Variants in CTDSPL2 observed in about 807,000 individuals in gnomAD.
CTDSPL2 encodes CTD small phosphatase-like protein 2.
CTDSPL2 carries 5 observed loss-of-function variants against 60.0 expected under a neutral mutation model. The observed-to-expected ratio is 0.08, with a 90% CI of 0.04 to 0.18. The LOEUF (loss-of-function observed/expected upper bound fraction) is 0.18. Among genes scored for constraint, CTDSPL2 ranks in the 10% least tolerant of loss-of-function variants. The pLI, the probability that CTDSPL2 is intolerant of heterozygous loss-of-function variation, is 1.00. For missense variants in CTDSPL2, 370 were observed against 548.8 expected (o/e 0.67, Z 3.26); for synonymous variants, 186 against 189.3 (o/e 0.98, Z 0.14).
chr15:44,472,016 A>G (rs2140742593), intron 2 of CTDSPL2, among the ~76,000 whole-genome samples: 1 of 151,712 alleles, frequency 6.6e-6, no homozygotes, highest in African/African-American at 2.4e-5. Context: ...ATGTTGTGGC[A>G]TATATTATAT....
At chr15:44,499,660 G>A in intron 7 of CTDSPL2, 67 bp from the exon 8 acceptor site, 1 of 906,616 alleles carries the variant, frequency 1.1e-6, no homozygotes, top group Admixed American at 2.2e-5. Flanking sequence ...GGTGATTAAG[G>A]ATAAAAGTAT....
chr15:44,470,135 G>A (rs1567077934), intron 2 of CTDSPL2, among the ~76,000 whole-genome samples: 1 of 150,314 alleles, frequency 6.7e-6, no homozygotes. Flanking sequence ...CGACTGCATA[G>A]TCAGCTATCT....
intron 2 of CTDSPL2, among the ~76,000 whole-genome samples, chr15:44,467,613 G>A (rs1166698923): frequency 1.3e-4 from 20 of 151,322 alleles, no homozygotes; most frequent in Non-Finnish European, 5.9e-5. Context: ...TCACTCTCTC[G>A]CCCAGGCTGG....
At chr15:44,451,696 GA>G (rs1242900167) in intron 1 of CTDSPL2, among the ~76,000 whole-genome samples, 1 of 151,990 alleles carries the variant, frequency 6.6e-6, no homozygotes, top group Admixed American at 6.6e-5. Context: ...TCTGATTCTT[GA>G]TTTTTCTCCC....
At chr15:44,515,106 CG>C (rs888521473) in intron 10 of CTDSPL2, among the ~76,000 whole-genome samples, 1 of 150,074 alleles carries the variant, frequency 6.7e-6, no homozygotes, top group Non-Finnish European at 1.5e-5. Context: ...TTGGGGAAGA[CG>C]GGGGTTGGGG....
At position 44,459,157 on chromosome 15, in the gene CTDSPL2, T is replaced by C; in HGVS notation, c.143T>C (p.Leu48Ser). ...GEKPSKNETG[L>S]LSSIKKFIKG... ...AAACCATCGAAGAATGAAACCGGCT[T>C]GTTGTCTTCAATTAAAAAATTTATT... The change falls in exon 2 of 13, where the codon TTG (leucine) becomes TCG (serine). Residue 48 changes from leucine (L) to serine (S), a missense_variant. Leu to Ser is a moderately radical substitution (Grantham distance 145, BLOSUM62 -2). Coordinates refer to ENST00000260327, the MANE Select transcript of CTDSPL2 (RefSeq NM_016396.3). 6.2e-7 allele frequency: 1 copy of C among 1,610,814 alleles called. No individual in the cohort carries two copies. Among genetic ancestry groups the C allele is most frequent in the Non-Finnish European group, 8.5e-7 (1 of 1,178,776 alleles).
At chr15:44,448,087 G>T in intron 1 of CTDSPL2, 1 of 248,064 alleles carries the variant, frequency 4.0e-6, no homozygotes, top group Non-Finnish European at 8.3e-6. Flanking sequence ...ATCCATCATG[G>T]GGCTCATGTG....
rs2080990009 is a variant in CTDSPL2, at chr15:44,479,654, C to G, written c.187-4570C>G. On this transcript the variant is annotated intron_variant, in intron 2 of 12. Transcript: ENST00000260327. ...AAACTCCTGGCCTCAAGTGAGGCTC[C>G]TGCCTCGACCTCCCAACGTGCTAGA... 1.3e-5 allele frequency among the ~76,000 whole-genome samples: 2 copies of G among 152,068 alleles called. 1 individual carries two copies. Among genetic ancestry groups the G allele is most frequent in the South Asian group, 4.1e-4 (2 of 4,826 alleles).
intron 1 of CTDSPL2, among the ~76,000 whole-genome samples, chr15:44,443,222 A>G (rs2080128999): frequency 6.6e-6 from 1 of 152,214 alleles, no homozygotes; most frequent in South Asian, 2.1e-4. Context: ...CAACGTTCAT[A>G]ATATATATCA....
At chr15:44,515,147 A>G (rs1000774027) in intron 10 of CTDSPL2, among the ~76,000 whole-genome samples, 8 of 152,182 alleles carry the variant, frequency 5.3e-5, no homozygotes, top group African/African-American at 1.9e-4. Context: ...CACGTTGTGC[A>G]TGATGTTTCA....
chr15:44,445,643 C>CT lies in CTDSPL2; in HGVS notation c.-24-13336dup, dbSNP rs1022016361. Among the ~76,000 whole-genome samples, 169 of 142,158 alleles carry CT rather than the reference C, an allele frequency of 1.2e-3. 1 individual carries two copies. Among genetic ancestry groups the CT allele is most frequent in the East Asian group, 2.8e-3 (14 of 4,952 alleles). The allele number at this position is 142,158 out of a possible 152,430, so 93.3% of individuals were successfully genotyped here. A position where few individuals can be genotyped will look rare whatever the true frequency, so the allele number is the denominator to read the frequency against. On this transcript the variant is annotated intron_variant, in intron 1 of 12. Transcript: ENST00000260327. ...ATTTGAAAACACAGCTTTTTTTTTG[C>CT]TTTTTTTTTTTTGAGATGGAGTCTC...
intron 10 of CTDSPL2, chr15:44,516,682 A>G (rs1328212087): frequency 6.6e-6 from 1 of 152,180 alleles, no homozygotes; most frequent in African/African-American, 2.4e-5. Flanking sequence ...TGGAGCTTTC[A>G]TTTACTAATG....
At chr15:44,452,764 G>T (rs2080357393) in intron 1 of CTDSPL2, among the ~76,000 whole-genome samples, 2 of 151,468 alleles carry the variant, frequency 1.3e-5, no homozygotes, top group African/African-American at 4.9e-5. Flanking sequence ...ATACCTTTGG[G>T]GTTTTAACTT....
chr15:44,437,183 C>T (rs908269780), intron 1 of CTDSPL2, among the ~76,000 whole-genome samples: 8 of 152,134 alleles, frequency 5.3e-5, no homozygotes, highest in African/African-American at 1.9e-4. Flanking sequence ...TTCGGATTTT[C>T]AGATTTTTGT....
intron 2 of CTDSPL2, among the ~76,000 whole-genome samples, chr15:44,468,149 A>G (rs182439926): frequency 3.5e-4 from 53 of 152,248 alleles, no homozygotes; most frequent in Non-Finnish European, 2.5e-4. Context: ...GGCAGAATTC[A>G]CTGTTGAATT....
chr15:44,486,007 T>TA (rs2081111921), intron 3 of CTDSPL2, among the ~76,000 whole-genome samples: 1 of 152,222 alleles, frequency 6.6e-6, no homozygotes, highest in African/African-American at 2.4e-5. Context: ...ACAGGAAACT[T>TA]AAAATTATTT....
chr15:44,516,104 C>T (rs1301300482), intron 10 of CTDSPL2, among the ~76,000 whole-genome samples: 2 of 151,088 alleles, frequency 1.3e-5, no homozygotes, highest in Non-Finnish European at 2.9e-5. Flanking sequence ...GTAGCTGGGA[C>T]TACAGGTGTG....
chr15:44,431,023 T>C (rs562031064), intron 1 of CTDSPL2, among the ~76,000 whole-genome samples: 1 of 152,206 alleles, frequency 6.6e-6, no homozygotes, highest in East Asian at 1.9e-4. Flanking sequence ...GGTTTCTCTA[T>C]GTTGGCCAGG....
intron 8 of CTDSPL2, among the ~76,000 whole-genome samples, chr15:44,510,752 A>G (rs2081552053): frequency 6.6e-6 from 1 of 152,192 alleles, no homozygotes; most frequent in South Asian, 2.1e-4. Context: ...TGTAGAATAG[A>G]TTTTGAAGCA....
Sources: gnomAD v4.1 joint callset for allele counts (sites outside exome capture counted in the v4.1 genomes callset) on GRCh38, gnomAD v4.1.1 for gene constraint, MANE v1.5 for transcripts, NCBI Gene and HGNC (gene_info 2026-07-23, HGNC 2026-07-21) for gene names.